Variants in UFD1 observed in about 807,000 individuals in gnomAD.
UFD1 encodes the protein ubiquitin recognition factor in ER-associated degradation protein 1.
A neutral mutation model predicts 45.9 loss-of-function variants in UFD1; 13 were observed. That is an observed-to-expected ratio of 0.28 (90% CI 0.18 to 0.45). The LOEUF (loss-of-function observed/expected upper bound fraction) is 0.45, where lower values mean the gene tolerates loss of function less well. UFD1 is among the 20% of genes least tolerant of loss of function. The pLI, the probability that UFD1 is intolerant of heterozygous loss-of-function variation, is 1.00. For missense variants in UFD1, 218 were observed against 389.2 expected (o/e 0.56, Z 3.70); for synonymous variants, 128 against 139.2 (o/e 0.92, Z 0.56).
intron 4 of UFD1, among the ~76,000 whole-genome samples, chr22:19,469,197 G>T (rs371517176): frequency 6.6e-6 from 1 of 152,214 alleles, no homozygotes; most frequent in African/African-American, 2.4e-5. Context: ...CCCCAGGAGT[G>T]ATGTTCTAAC....
At chr22:19,464,811 G>C (rs576321692) in intron 6 of UFD1, among the ~76,000 whole-genome samples, 53 of 152,376 alleles carry the variant, frequency 3.5e-4, no homozygotes, top group South Asian at 8.3e-4. Flanking sequence ...GGGCCTGTCA[G>C]CTTCTGTGGG....
chr22:19,450,210 AC>A lies in UFD1; in HGVS notation c.*459del, dbSNP rs1234046459. The A allele has an allele frequency of 6.6e-6, 1 of 152,258 alleles. No homozygotes were observed. The highest frequency in any genetic ancestry group is 6.6e-5 in the Admixed American group (1 of 15,160). 9.4% of individuals were successfully genotyped at this position (152,258 alleles called of 1,614,324 possible). On this transcript the variant is annotated 3_prime_UTR_variant, in exon 12 of 12. Coordinates refer to ENST00000263202, the MANE Select transcript of UFD1 (RefSeq NM_005659.7). ...CAGCCACAGTAGTGGGACAGCCACT[AC>A]TTATAGAACACATGTCTATTTAAAG... is the stretch of plus-strand genomic sequence containing the variant.
At chr22:19,453,008 C>T in intron 11 of UFD1, 13 of 977,550 alleles carry the variant, frequency 1.3e-5, no homozygotes, top group Non-Finnish European at 1.6e-5. Flanking sequence ...CCTTTGGTTT[C>T]TGTGGCTGTT....
At chr22:19,468,103 T>C in intron 4 of UFD1, 100 bp from the exon 5 acceptor site, 2 of 1,482,144 alleles carry the variant, frequency 1.3e-6, no homozygotes, top group East Asian at 2.3e-5. Context: ...CTTGGGTCCT[T>C]GGAAGAGGAA....
At chr22:19,476,844 T>C (rs900037312) in intron 1 of UFD1, among the ~76,000 whole-genome samples, 8 of 151,452 alleles carry the variant, frequency 5.3e-5, no homozygotes, top group Admixed American at 2.0e-4. Context: ...CTCTCTCTAC[T>C]AAAAATACAA....
At chr22:19,470,021 T>A in intron 4 of UFD1, 1 of 518,374 alleles carries the variant, frequency 1.9e-6, no homozygotes, top group South Asian at 1.4e-5. Flanking sequence ...ACTGGGGAAG[T>A]AGTCACTGCC....
intron 6 of UFD1, among the ~76,000 whole-genome samples, chr22:19,464,218 G>T (rs758277129): frequency 1.3e-5 from 2 of 152,240 alleles, no homozygotes; most frequent in Non-Finnish European, 2.9e-5. Flanking sequence ...ACCACAGGCA[G>T]CTGTGACACA....
At position 19,471,890 on chromosome 22, in the gene UFD1, T is replaced by C; in HGVS notation, c.170-82A>G. 2.0e-6 allele frequency: 3 copies of C among 1,537,402 alleles called. No individual in the cohort carries two copies. In the South Asian group the frequency reaches 3.8e-5, roughly 19 times the overall value. On this transcript the variant is annotated intron_variant, in intron 3 of 11. Transcript: ENST00000263202. Reference sequence around the variant, plus strand: ...CCCACGCCTTCCCATAGAAGGAGCCTCCCCACAATCCTGCCCTCAACCCCA... The same window carrying C: ...CCCACGCCTTCCCATAGAAGGAGCCCCCCCACAATCCTGCCCTCAACCCCA...
At chr22:19,460,113 A>G (rs1234130838) in intron 6 of UFD1, among the ~76,000 whole-genome samples, 1 of 152,134 alleles carries the variant, frequency 6.6e-6, no homozygotes, top group Non-Finnish European at 1.5e-5. Flanking sequence ...AAGCAGGGCC[A>G]AATCTACTTT....
chr22:19,451,039 G>A, intron 11 of UFD1: 7 of 1,071,114 alleles, frequency 6.5e-6, no homozygotes, highest in Non-Finnish European at 8.0e-6. Context: ...CGGGAGGATG[G>A]TTTGAGCCAG....
chr22:19,450,556 C>T lies in UFD1; in HGVS notation c.*114G>A. The T allele has an allele frequency of 1.5e-6, 2 of 1,320,902 alleles. No individual in the cohort carries two copies. The highest frequency in any genetic ancestry group is 2.6e-5 in the South Asian group (2 of 77,712). The allele number at this position is 1,320,902 out of a possible 1,614,324, so 81.8% of individuals were successfully genotyped here. ...AATTCTTAGGTAACTCTAAATAAATCTTAAGTAACAGAGTATTCTCTGATG... is the reference window on the plus strand; with the variant it reads ...AATTCTTAGGTAACTCTAAATAAATTTTAAGTAACAGAGTATTCTCTGATG... On this transcript the variant is annotated 3_prime_UTR_variant, in exon 12 of 12. Coordinates refer to ENST00000263202, the MANE Select transcript of UFD1 (RefSeq NM_005659.7).
intron 4 of UFD1, among the ~76,000 whole-genome samples, chr22:19,468,285 G>A (rs770177562): frequency 6.6e-6 from 1 of 152,196 alleles, no homozygotes; most frequent in Non-Finnish European, 1.5e-5. Context: ...CTTCCCAGGG[G>A]CAGAGCATTT....
intron 6 of UFD1, among the ~76,000 whole-genome samples, chr22:19,464,377 C>T (rs982011792): frequency 2.6e-5 from 4 of 152,232 alleles, no homozygotes; most frequent in Non-Finnish European, 5.9e-5. Context: ...GGTCAATTGT[C>T]AACAGTCACA....
At chr22:19,465,355 G>T in intron 5 of UFD1, 81 bp from the exon 6 acceptor site, 2 of 1,223,608 alleles carry the variant, frequency 1.6e-6, no homozygotes, top group Non-Finnish European at 1.2e-6. Flanking sequence ...ATGATTACTG[G>T]TAGGTAGAGA....
At chr22:19,455,912 G>A in intron 9 of UFD1, 144 bp from the exon 10 acceptor site, 1 of 736,304 alleles carries the variant, frequency 1.4e-6, no homozygotes, top group Non-Finnish European at 2.3e-6. Context: ...AACTGCTGGG[G>A]TGCTGGCAGC....
intron 1 of UFD1, among the ~76,000 whole-genome samples, chr22:19,476,470 G>A (rs771866391): frequency 6.6e-6 from 1 of 152,040 alleles, no homozygotes; most frequent in Admixed American, 6.5e-5. Flanking sequence ...AAAACATGAT[G>A]CCATTAAAAA....
chr22:19,467,804 C>T, intron 5 of UFD1, 69 bp downstream of exon 5: 1 of 1,592,912 alleles, frequency 6.3e-7, no homozygotes, highest in Non-Finnish European at 8.6e-7. Flanking sequence ...CAATACAGTA[C>T]ATGATGTTTA....
chr22:19,451,828 T>C, intron 11 of UFD1: 1 of 985,470 alleles, frequency 1.0e-6, no homozygotes, highest in Non-Finnish European at 1.2e-6. Context: ...TTGCATGGAG[T>C]TCATCTGTTT....
intron 3 of UFD1, among the ~76,000 whole-genome samples, chr22:19,472,669 GT>G (rs2089854901): frequency 6.6e-6 from 1 of 152,242 alleles, no homozygotes; most frequent in Admixed American, 6.5e-5. Flanking sequence ...TAGTGATGGT[GT>G]TTGCCATGTG....
Sources: allele counts gnomAD v4.1 joint callset (sites outside exome capture counted in the v4.1 genomes callset), GRCh38; gene constraint gnomAD v4.1.1; transcripts MANE v1.5; gene names NCBI Gene and HGNC (gene_info 2026-07-23, HGNC 2026-07-21).